KIAA1549: variants seen among roughly 807,000 people sequenced by gnomAD.
KIAA1549 encodes UPF0606 protein KIAA1549.
KIAA1549 carries 70 observed loss-of-function variants against 156.4 expected under a neutral mutation model. The ratio of observed to expected loss-of-function variants is 0.45; its 90% CI spans 0.37 to 0.55. The LOEUF (loss-of-function observed/expected upper bound fraction) is 0.55, where lower values mean the gene tolerates loss of function less well. Among genes scored for constraint, KIAA1549 ranks in the 20% least tolerant of loss-of-function variants. The probability of loss-of-function intolerance (pLI) is 0.00; values close to 1 mark genes in which losing one functional copy is unlikely to be tolerated. For synonymous variants in KIAA1549, 1,103 were observed against 1,066.4 expected, an observed-to-expected ratio of 1.03 and a Z score of -0.67; for missense variants, 2,428 against 2,540.9, an observed-to-expected ratio of 0.96 and a Z score of 0.96.
chr7:138,924,277 A>G (rs1453578400), intron 1 of KIAA1549, among the ~76,000 whole-genome samples: 5 of 151,356 alleles, frequency 3.3e-5, no homozygotes, highest in Non-Finnish European at 5.9e-5. Context: ...CGGTTCTGTC[A>G]AATTGTGTAT....
chr7:138,897,921 A>G (rs1385137071), intron 9 of KIAA1549, among the ~76,000 whole-genome samples: 1 of 145,024 alleles, frequency 6.9e-6, no homozygotes, highest in African/African-American at 2.6e-5. Flanking sequence ...AAAAAAAAAA[A>G]AAGAGGAATC....
intron 15 of KIAA1549, among the ~76,000 whole-genome samples, chr7:138,867,346 G>A (rs1810776187): frequency 6.6e-6 from 1 of 152,070 alleles, no homozygotes; most frequent in African/African-American, 2.4e-5. Context: ...CTTGAGGTCA[G>A]GAGTTTGAGA....
At chr7:138,934,234 C>A (rs1007958125) in intron 1 of KIAA1549, among the ~76,000 whole-genome samples, 9 of 152,068 alleles carry the variant, frequency 5.9e-5, no homozygotes, top group African/African-American at 1.9e-4. Flanking sequence ...GGAACGGAAC[C>A]TGCAGAGAAA....
At position 138,894,496 on chromosome 7, in the gene KIAA1549, T is replaced by C; in HGVS notation, c.3878A>G (p.Glu1293Gly). Residue 1293 changes from glutamate to glycine, a missense_variant, in exon 10 of 20, where the codon GAA becomes GGA. Physicochemically the swap from Glu to Gly is moderately conservative, Grantham distance 98 (BLOSUM62 -2). Transcript: ENST00000422774. ...GACCCACAAGTTGTTGCTCTGGGAT[T>C]CCGGAGACGGCCTCTTCACCCTGTC... ...PVDRVKRPSP[E>G]SQSNNLWVIV... 6.2e-7 allele frequency: 1 copy of C among 1,613,994 alleles called. No individual in the cohort carries two copies. Among genetic ancestry groups the C allele is most frequent in the South Asian group, 1.1e-5 (1 of 91,072 alleles).
intron 12 of KIAA1549, among the ~76,000 whole-genome samples, chr7:138,871,605 T>C (rs1210177156): frequency 6.6e-6 from 1 of 152,232 alleles, no homozygotes; most frequent in African/African-American, 2.4e-5. Flanking sequence ...GAGGAAATCA[T>C]TATGATACTG....
intron 15 of KIAA1549, among the ~76,000 whole-genome samples, chr7:138,866,236 C>G (rs938062893): frequency 4.0e-5 from 6 of 150,932 alleles, no homozygotes; most frequent in African/African-American, 1.5e-4. Flanking sequence ...TCTTTAAGAC[C>G]CTAGAAATAC....
chr7:138,952,598 C>T (rs1380521307), intron 1 of KIAA1549, among the ~76,000 whole-genome samples: 2 of 152,172 alleles, frequency 1.3e-5, no homozygotes, highest in Non-Finnish European at 2.9e-5. Context: ...TCCCAGGGCA[C>T]GAAGTTCTAA....
rs979450340 is a variant in KIAA1549, at chr7:138,911,401, T to C, written c.2968-78A>G. On this transcript the variant is annotated intron_variant, in intron 3 of 19. Coordinates refer to ENST00000422774, the MANE Select transcript of KIAA1549 (RefSeq NM_001164665.2). ...CACAGAAAAATAAAAAATTATAAAC[T>C]AAAAAAACTGGTAGTTTTGAATGAA... 1.4e-5 allele frequency: 15 copies of C among 1,100,988 alleles called. No individual in the cohort carries two copies. In the African/African-American group the frequency reaches 2.5e-4, roughly 18 times the overall value. 68.2% of individuals were successfully genotyped at this position (1,100,988 alleles called of 1,614,324 possible). A position where few individuals can be genotyped will look rare whatever the true frequency, so the allele number is the denominator to read the frequency against.
In KIAA1549 at chr7:138,907,103, C is replaced by A. The variant is rs1812029236; in HGVS notation, c.3277-1G>T. The A allele has an allele frequency of 1.3e-6, 2 of 1,574,864 alleles. No individual in the cohort carries two copies. The highest frequency in any genetic ancestry group is 1.2e-5 in the South Asian group (1 of 83,466). On this transcript the variant is annotated splice_acceptor_variant, in intron 5 of 19. Transcript: ENST00000422774. LOFTEE classifies it high-confidence loss of function. ...AGGAACTGATGGTGATATTCAAGATCTGAAAGAATAAAGTCAGAATAAGCT... is the reference window on the plus strand; with the variant it reads ...AGGAACTGATGGTGATATTCAAGATATGAAAGAATAAAGTCAGAATAAGCT...
chr7:138,844,065 AC>A, intron 18 of KIAA1549, among the ~76,000 whole-genome samples: 1 of 152,242 alleles, frequency 6.6e-6, no homozygotes, highest in Admixed American at 6.5e-5. Context: ...GGATTTGGAA[AC>A]GTTTTTCCTG....
chr7:138,867,725 C>T (rs1320745266), intron 15 of KIAA1549, among the ~76,000 whole-genome samples: 1 of 152,180 alleles, frequency 6.6e-6, no homozygotes, highest in East Asian at 1.9e-4. Flanking sequence ...AGGAAAAACA[C>T]GGAGTGTGTT....
chr7:138,855,555 T>C (rs1810362941), intron 16 of KIAA1549, among the ~76,000 whole-genome samples: 1 of 152,154 alleles, frequency 6.6e-6, no homozygotes, highest in Non-Finnish European at 1.5e-5. Context: ...TCCATACCTT[T>C]CCTTTGCAGC....
intron 9 of KIAA1549, among the ~76,000 whole-genome samples, chr7:138,896,913 A>C: frequency 6.6e-6 from 1 of 151,906 alleles, no homozygotes; most frequent in East Asian, 1.9e-4. Context: ...TTCTTACTCT[A>C]ACCTAGGAAA....
chr7:138,882,880 T>C (rs894031958), intron 10 of KIAA1549, among the ~76,000 whole-genome samples: 1 of 151,846 alleles, frequency 6.6e-6, no homozygotes, highest in Admixed American at 6.6e-5. Flanking sequence ...ACCAAACCCA[T>C]GACAGACCCC....
chr7:138,834,786 CATGCTACATTTTCACAGTGCTTT>C lies in KIAA1549; in HGVS notation c.*3097_*3119del. 8.6e-6 allele frequency: 2 copies of C among 232,468 alleles called. No individual in the cohort carries two copies. The highest frequency in any genetic ancestry group is 1.3e-3 in the Middle Eastern group (1 of 784). The allele number at this position is 232,468 out of a possible 1,614,324, so 14.4% of individuals were successfully genotyped here. The stretch of plus-strand genomic sequence containing the variant: ...CATCCTAGGGCGTCCACATAGACAG[CATGCTACATTTTCACAGTGCTTT>C]ATGCTCCCTCCTCACAGGACATCTG... On this transcript the variant is annotated 3_prime_UTR_variant, in exon 20 of 20. Transcript: ENST00000422774.
At chr7:138,889,781 G>C (rs140249505) in intron 10 of KIAA1549, among the ~76,000 whole-genome samples, 49 of 151,822 alleles carry the variant, frequency 3.2e-4, no homozygotes, top group African/African-American at 1.1e-3. Flanking sequence ...ACCAGTCTGT[G>C]CGTATTATGC....
intron 1 of KIAA1549, among the ~76,000 whole-genome samples, chr7:138,973,319 G>A (rs999207761): frequency 6.6e-6 from 1 of 152,160 alleles, no homozygotes; most frequent in African/African-American, 2.4e-5. Flanking sequence ...TGTTTCAGTA[G>A]AGCTGGCTTG....
At chr7:138,934,579 C>G (rs1190664528) in intron 1 of KIAA1549, among the ~76,000 whole-genome samples, 4 of 152,004 alleles carry the variant, frequency 2.6e-5, no homozygotes, top group Admixed American at 2.6e-4. Context: ...TAGAGAGTGC[C>G]GGAGATGAGA....
chr7:138,840,701 C>T (rs1197607642), intron 18 of KIAA1549, among the ~76,000 whole-genome samples: 1 of 152,158 alleles, frequency 6.6e-6, no homozygotes, highest in East Asian at 1.9e-4. Context: ...TAAAAACCTA[C>T]ACCCTATGCG....
Sources: gnomAD v4.1 joint callset for allele counts (sites outside exome capture counted in the v4.1 genomes callset) on GRCh38, gnomAD v4.1.1 for gene constraint, MANE v1.5 for transcripts, NCBI Gene and HGNC (gene_info 2026-07-23, HGNC 2026-07-21) for gene names.